Variants in DUSP22 observed in about 807,000 individuals in gnomAD.
The protein encoded by DUSP22 is dual specificity phosphatase 22.
DUSP22 carries 24 observed loss-of-function variants against 24.5 expected under a neutral mutation model. The ratio of observed to expected loss-of-function variants is 0.98; its 90% CI spans 0.71 to 1.38. DUSP22 has a LOEUF of 1.38. DUSP22 is among the 40% of genes most tolerant of loss of function. The probability of loss-of-function intolerance (pLI) is 0.00; values close to 1 mark genes in which losing one functional copy is unlikely to be tolerated. For synonymous variants in DUSP22, 160 were observed against 106.4 expected, an observed-to-expected ratio of 1.50 and a Z score of -3.10; for missense variants, 330 against 269.2, an observed-to-expected ratio of 1.23 and a Z score of -1.58.
intron 3 of DUSP22, among the ~76,000 whole-genome samples, chr6:327,659 C>T (rs763687415): frequency 3.5e-4 from 53 of 152,278 alleles, no homozygotes; most frequent in Non-Finnish European, 6.5e-4. Flanking sequence ...GGTGTGGGGG[C>T]CCAGCGTGGG....
chr6:330,624 G>T (rs1223866296), intron 3 of DUSP22, among the ~76,000 whole-genome samples: 3 of 152,298 alleles, frequency 2.0e-5, no homozygotes, highest in African/African-American at 7.2e-5. Flanking sequence ...CCTTACTTTT[G>T]GTGGTTACTA....
intron 2 of DUSP22, among the ~76,000 whole-genome samples, chr6:306,500 A>T (rs1369268596): frequency 2.0e-5 from 3 of 152,304 alleles, no homozygotes; most frequent in Non-Finnish European, 4.4e-5. Context: ...TGTTGTAAAC[A>T]GCCCACCACC....
chr6:311,666 T>G (rs1465080410), intron 2 of DUSP22, among the ~76,000 whole-genome samples: 1 of 150,240 alleles, frequency 6.7e-6, no homozygotes, highest in Non-Finnish European at 1.5e-5. Context: ...GGCGACAGAG[T>G]GAGACTCCGT....
In DUSP22 at chr6:349,134, C is replaced by T. The variant is rs1760044242; in HGVS notation, c.*183C>T. On this transcript the variant is annotated 3_prime_UTR_variant, in exon 7 of 7. Coordinates refer to ENST00000419235, the MANE Select transcript of DUSP22 (RefSeq NM_001286555.3). ...TCCAGGCCCCTGCACTCCGCCCACC[C>T]CTACCCTGGCTGCACCTGAGCTTGC... is the stretch of plus-strand genomic sequence containing the variant. 1.4e-6 allele frequency: 2 copies of T among 1,437,878 alleles called. No homozygotes were observed. The highest frequency in any genetic ancestry group is 1.4e-5 in the African/African-American group (1 of 69,812). The allele number at this position is 1,437,878 out of a possible 1,614,324, so 89.1% of individuals were successfully genotyped here. A position where few individuals can be genotyped will look rare whatever the true frequency, so the allele number is the denominator to read the frequency against.
At chr6:330,904 T>C (rs1759111348) in intron 3 of DUSP22, among the ~76,000 whole-genome samples, 1 of 152,302 alleles carries the variant, frequency 6.6e-6, no homozygotes, top group African/African-American at 2.4e-5. Flanking sequence ...ACTAATTGTT[T>C]TATACATGCT....
intron 3 of DUSP22, among the ~76,000 whole-genome samples, chr6:313,567 T>C (rs549601057): frequency 1.3e-5 from 2 of 152,426 alleles, no homozygotes; most frequent in South Asian, 4.1e-4. Flanking sequence ...TAAGGACAAA[T>C]TCTGCCTTTA....
At chr6:312,089 C>T (rs1237469777) in intron 3 of DUSP22, 127 bp downstream of exon 3, 2 of 1,047,400 alleles carry the variant, frequency 1.9e-6, no homozygotes, top group Non-Finnish European at 2.7e-6. Context: ...TGGCGGCATT[C>T]CCATTGTGTT....
intron 2 of DUSP22, among the ~76,000 whole-genome samples, chr6:305,762 A>C (rs1216626291): frequency 6.6e-6 from 1 of 152,294 alleles, no homozygotes; most frequent in Admixed American, 6.5e-5. Flanking sequence ...AGACCTGGGA[A>C]GCTTGCAGGC....
chr6:322,166 A>G (rs1380312114), intron 3 of DUSP22, among the ~76,000 whole-genome samples: 1 of 152,302 alleles, frequency 6.6e-6, no homozygotes, highest in African/African-American at 2.4e-5. Context: ...TATCATCTAC[A>G]TAGTGTATCT....
In DUSP22 at chr6:350,537, C is replaced by G. The variant is rs1426702394; in HGVS notation, c.*1586C>G. 7 of 1,337,454 alleles carry G rather than the reference C, an allele frequency of 5.2e-6. No homozygotes were observed. Among genetic ancestry groups the G allele is most frequent in the Non-Finnish European group, 6.7e-6 (7 of 1,044,358 alleles). 82.8% of individuals were successfully genotyped at this position (1,337,454 alleles called of 1,614,324 possible). A position where few individuals can be genotyped will look rare whatever the true frequency, so the allele number is the denominator to read the frequency against. ...TGTCAAAGGTGAGCTTTTTGGGGAC[C>G]GGGAAAAACAAAGTTGCCTGATTCC... is the stretch of plus-strand genomic sequence containing the variant. On this transcript the variant is annotated 3_prime_UTR_variant, in exon 7 of 7. Coordinates refer to ENST00000419235, the MANE Select transcript of DUSP22 (RefSeq NM_001286555.3).
intron 3 of DUSP22, among the ~76,000 whole-genome samples, chr6:318,235 AG>A (rs1758422850): frequency 6.6e-6 from 1 of 152,306 alleles, no homozygotes; most frequent in East Asian, 1.9e-4. Flanking sequence ...CTCTACAAAG[AG>A]GACCATGCAT....
chr6:348,502 C>G, intron 6 of DUSP22: 1 of 859,598 alleles, frequency 1.2e-6, no homozygotes, highest in Non-Finnish European at 1.8e-6. Context: ...GCCTGGTACT[C>G]CCTACTAGTT....
Position 349,616 on chromosome 6 carries a change from G to A in DUSP22, c.*665G>A. Reference sequence around the variant, plus strand: ...TCCTCTAGAGGGAGGGTGGCTCTGGGGCCCTGGAAAACGTGAGAGACTGCC... The same window carrying A: ...TCCTCTAGAGGGAGGGTGGCTCTGGAGCCCTGGAAAACGTGAGAGACTGCC... On this transcript the variant is annotated 3_prime_UTR_variant, in exon 7 of 7. Transcript: ENST00000419235. The A allele has an allele frequency of 1.0e-6, 1 of 987,292 alleles. No individual in the cohort carries two copies. Among genetic ancestry groups the A allele is most frequent in the Non-Finnish European group, 1.2e-6 (1 of 831,394 alleles). 61.2% of individuals were successfully genotyped at this position (987,292 alleles called of 1,614,324 possible).
At position 348,431 on chromosome 6, in the gene DUSP22, G is replaced by A. The variant is rs1210080948; in HGVS notation, c.435+157G>A. 6.1e-5 allele frequency: 76 copies of A among 1,252,222 alleles called. No individual in the cohort carries two copies. The East Asian group carries it at 7.2e-4, about 12-fold the overall frequency. The allele number at this position is 1,252,222 out of a possible 1,614,324, so 77.6% of individuals were successfully genotyped here. On this transcript the variant is annotated intron_variant, in intron 6 of 6. Transcript: ENST00000419235. ...GCCCAGCTGCACCCCTTCAGAAGTC[G>A]TCACGATCCCTCGTGCACCTGTTGA...
chr6:312,965 A>ATT (rs1275605689), intron 3 of DUSP22, among the ~76,000 whole-genome samples: 1 of 113,432 alleles, frequency 8.8e-6, no homozygotes, highest in African/African-American at 3.2e-5. Context: ...TTTAGCTCAT[A>ATT]ATTTTTTTTT....
chr6:350,819 C>T lies in DUSP22; in HGVS notation c.*1868C>T, dbSNP rs759681230. The T allele has an allele frequency of 1.2e-6, 2 of 1,614,274 alleles. No homozygotes were observed. Among genetic ancestry groups the T allele is most frequent in the South Asian group, 1.1e-5 (1 of 91,088 alleles). The stretch of plus-strand genomic sequence containing the variant: ...TGTTGCCAGTAATGTTCTTTCTTCA[C>T]AGCCGCTCCGGGAATTCTGAAGTTC... On this transcript the variant is annotated 3_prime_UTR_variant, in exon 7 of 7. Coordinates refer to ENST00000419235, the MANE Select transcript of DUSP22 (RefSeq NM_001286555.3).
chr6:293,845 C>T (rs1232492518), intron 1 of DUSP22, among the ~76,000 whole-genome samples: 1 of 131,308 alleles, frequency 7.6e-6, no homozygotes, highest in Non-Finnish European at 1.5e-5. Flanking sequence ...TGGAAACAGA[C>T]TGTCTCTCTC....
At chr6:347,339 T>C (rs1423985067) in intron 5 of DUSP22, among the ~76,000 whole-genome samples, 2 of 152,312 alleles carry the variant, frequency 1.3e-5, no homozygotes, top group African/African-American at 4.8e-5. Flanking sequence ...CATACAGTTC[T>C]GTGCACCTAA....
intron 3 of DUSP22, among the ~76,000 whole-genome samples, chr6:315,690 T>A (rs1379277372): frequency 2.0e-5 from 3 of 152,310 alleles, no homozygotes; most frequent in Non-Finnish European, 4.4e-5. Flanking sequence ...TGCTGTTATT[T>A]GCTGCAAATA....
Sources: gnomAD v4.1 joint callset for allele counts (sites outside exome capture counted in the v4.1 genomes callset) on GRCh38, gnomAD v4.1.1 for gene constraint, MANE v1.5 for transcripts, NCBI Gene and HGNC (gene_info 2026-07-23, HGNC 2026-07-21) for gene names.